Variants in FGF12 observed in about 807,000 individuals in gnomAD.
FGF12 encodes fibroblast growth factor 12.
Under a neutral mutation model 23.6 loss-of-function variants are expected in FGF12, and 14 were observed. The ratio of observed to expected loss-of-function variants is 0.59; its 90% confidence interval spans 0.39 to 0.93. The LOEUF is 0.93. FGF12 is among the 40% of genes least tolerant of loss of function. FGF12 has a pLI of 0.00. For missense variants in FGF12, 175 were observed against 217.8 expected (o/e 0.80, Z 1.24); for synonymous variants, 62 against 77.3 (o/e 0.80, Z 1.04).
At chr3:192,366,336 C>T (rs148275169) in intron 2 of FGF12, among the ~76,000 whole-genome samples, 3 of 152,016 alleles carry the variant, frequency 2.0e-5, no homozygotes, top group East Asian at 1.9e-4. Flanking sequence ...TCACATATAC[C>T]CAAACTTTAG....
chr3:192,245,494 C>T (rs902759948), intron 4 of FGF12, among the ~76,000 whole-genome samples: 3 of 152,078 alleles, frequency 2.0e-5, no homozygotes, highest in African/African-American at 7.2e-5. Flanking sequence ...CTTCCTCCTA[C>T]ATGTGAGCAT....
chr3:192,664,257 G>A (rs1206980754), intron 2 of FGF12, among the ~76,000 whole-genome samples: 1 of 152,074 alleles, frequency 6.6e-6, no homozygotes, highest in Non-Finnish European at 1.5e-5. Flanking sequence ...ACCACTGTGT[G>A]GATTAGACAA....
At chr3:192,714,666 C>T (rs1383672918) in intron 2 of FGF12, among the ~76,000 whole-genome samples, 1 of 151,742 alleles carries the variant, frequency 6.6e-6, no homozygotes, top group Non-Finnish European at 1.5e-5. Flanking sequence ...CTACAGGCGC[C>T]CGCCACTACG....
rs189649140 is a variant in FGF12, at chr3:192,635,293, T to G, written c.13+91888A>C. Among the ~76,000 whole-genome samples, 38 of 152,364 alleles carry G rather than the reference T, an allele frequency of 2.5e-4. 1 individual carries two copies. In the East Asian group the frequency reaches 4.0e-3, roughly 16 times the overall value. On this transcript the variant is annotated intron_variant, in intron 2 of 5. Transcript: ENST00000445105. ...TCCCCCGTGTTAGTGTTTAGAATGT[T>G]TTAATTTTTTTCAAGTACCTCTTTA...
At chr3:192,413,469 G>T (rs2108779803) in intron 2 of FGF12, among the ~76,000 whole-genome samples, 1 of 152,270 alleles carries the variant, frequency 6.6e-6, no homozygotes, top group South Asian at 2.1e-4. Context: ...GCTCTTGAAA[G>T]ACTCAAAGAA....
At chr3:192,614,433 TA>T (rs1714671146) in intron 2 of FGF12, among the ~76,000 whole-genome samples, 1 of 151,920 alleles carries the variant, frequency 6.6e-6, no homozygotes, top group South Asian at 2.1e-4. Context: ...TTTTAACTTC[TA>T]AAAAACTTCA....
At chr3:192,192,357 ATACACATT>A (rs1304802703) in intron 4 of FGF12, among the ~76,000 whole-genome samples, 1 of 150,732 alleles carries the variant, frequency 6.6e-6, no homozygotes, top group African/African-American at 2.4e-5. Context: ...CAAATTATAT[ATACACATT>A]TACACATATA....
chr3:192,599,248 T>C (rs1256066330), intron 2 of FGF12, among the ~76,000 whole-genome samples: 4 of 83,054 alleles, frequency 4.8e-5, no homozygotes, highest in Admixed American at 4.3e-4. Context: ...ACCCCAGAAC[T>C]TGAAGTATAA....
chr3:192,430,305 T>C (rs563627201), intron 2 of FGF12, among the ~76,000 whole-genome samples: 2 of 152,266 alleles, frequency 1.3e-5, no homozygotes, highest in East Asian at 3.9e-4. Flanking sequence ...TATGAGGTAT[T>C]TAAAGTATCA....
At chr3:192,427,380 G>GAA (rs11359837) in intron 2 of FGF12, among the ~76,000 whole-genome samples, 2 of 141,576 alleles carry the variant, frequency 1.4e-5, no homozygotes, top group Non-Finnish European at 3.1e-5. Flanking sequence ...CTCCGTCTCT[G>GAA]AAAAAAAAAA....
chr3:192,259,646 A>C (rs187783026), intron 4 of FGF12, among the ~76,000 whole-genome samples: 50 of 152,250 alleles, frequency 3.3e-4, no homozygotes, highest in Non-Finnish European at 6.9e-4. Context: ...TTCTTCACTA[A>C]AGAAATCTGT....
chr3:192,683,305 C>T (rs6800153), intron 2 of FGF12, among the ~76,000 whole-genome samples: 84,245 of 151,970 alleles, frequency 0.55, 23,934 homozygotes, highest in East Asian at 0.82. Flanking sequence ...ATTTGACTTG[C>T]AGCATTACGT....
At position 192,285,212 on chromosome 3, in the gene FGF12, C is replaced by CAGT. The variant is rs1269017668; in HGVS notation, c.228+50148_228+50149insACT. ...ACCCTTAGTAGTTGATAAGCAATAC[C>CAGT]TGTGACAGTGGAATTATTATCTCCA... On this transcript the variant is annotated intron_variant, in intron 4 of 5. Transcript: ENST00000445105. 1.2e-4 allele frequency among the ~76,000 whole-genome samples: 19 copies of CAGT among 152,108 alleles called. No homozygotes were observed. In the East Asian group the frequency reaches 3.5e-3, roughly 28 times the overall value.
chr3:192,392,365 C>T (rs993746654), intron 2 of FGF12, among the ~76,000 whole-genome samples: 7 of 150,694 alleles, frequency 4.6e-5, no homozygotes, highest in Non-Finnish European at 5.9e-5. Context: ...GTCGGGAGTT[C>T]GAGACCAGCC....
At chr3:192,672,484 G>A (rs1263001470) in intron 2 of FGF12, among the ~76,000 whole-genome samples, 1 of 150,596 alleles carries the variant, frequency 6.6e-6, no homozygotes, top group African/African-American at 2.4e-5. Flanking sequence ...ACGTATTGCC[G>A]TGCAGCTTGG....
intron 2 of FGF12, among the ~76,000 whole-genome samples, chr3:192,449,905 T>C (rs1212816407): frequency 6.6e-6 from 1 of 152,176 alleles, no homozygotes; most frequent in African/African-American, 2.4e-5. Context: ...GCAGCTGATA[T>C]TTATATATAC....
chr3:192,545,968 G>C (rs1725485627), intron 2 of FGF12, among the ~76,000 whole-genome samples: 1 of 152,198 alleles, frequency 6.6e-6, no homozygotes, highest in South Asian at 2.1e-4. Context: ...GCTCTGAATG[G>C]ATTCCACCCA....
At chr3:192,469,340 A>C (rs931549844) in intron 2 of FGF12, among the ~76,000 whole-genome samples, 1 of 152,188 alleles carries the variant, frequency 6.6e-6, no homozygotes, top group African/African-American at 2.4e-5. Context: ...ATTTGCTAAC[A>C]CCTGCATGTA....
intron 4 of FGF12, among the ~76,000 whole-genome samples, chr3:192,208,519 G>T (rs899584709): frequency 2.0e-5 from 3 of 152,088 alleles, no homozygotes; most frequent in East Asian, 1.9e-4. Flanking sequence ...AGAACATGTT[G>T]TAATTTGGAT....
Sources: gnomAD v4.1 joint callset for allele counts (sites outside exome capture counted in the v4.1 genomes callset) on GRCh38, gnomAD v4.1.1 for gene constraint, MANE v1.5 for transcripts, NCBI Gene and HGNC (gene_info 2026-07-23, HGNC 2026-07-21) for gene names.